The following IL22 variants were observed in gnomAD, a reference collection of about 807,000 sequenced individuals.
The protein encoded by IL22 is interleukin 22, also known as interleukin-22.
A neutral mutation model predicts 15.5 loss-of-function variants in IL22; 15 were observed. The observed-to-expected ratio is 0.97, with a 90% CI of 0.65 to 1.49. The LOEUF (loss-of-function observed/expected upper bound fraction) is 1.49. IL22 is among the 40% of genes most tolerant of loss of function. IL22 has a pLI of 0.00. For missense variants in IL22, 225 were observed against 215.4 expected, an observed-to-expected ratio of 1.04 and a Z score of -0.28; for synonymous variants, 91 against 82.0, an observed-to-expected ratio of 1.11 and a Z score of -0.60.
chr12:68,251,595 A>T lies in IL22; in HGVS notation c.397-17T>A. 1 of 1,583,690 alleles carries T rather than the reference A, an allele frequency of 6.3e-7. No individual in the cohort carries two copies. The highest frequency in any genetic ancestry group is 8.7e-7 in the Non-Finnish European group (1 of 1,152,462). On this transcript the variant is annotated splice_polypyrimidine_tract_variant and intron_variant, in intron 4 of 5. Coordinates refer to ENST00000538666, the MANE Select transcript of IL22 (RefSeq NM_020525.5). ...TTCAATATGCTATAAAACAATAACAAGCATAACTATCTTAATGTTGTGCTG... is the reference window on the plus strand; with the variant it reads ...TTCAATATGCTATAAAACAATAACATGCATAACTATCTTAATGTTGTGCTG...
intron 5 of IL22, among the ~76,000 whole-genome samples, chr12:68,251,206 T>C (rs1218777060): frequency 6.6e-6 from 1 of 151,720 alleles, no homozygotes; most frequent in African/African-American, 2.4e-5. Flanking sequence ...CCGGGAAAAG[T>C]GCTGGCTTGG....
chr12:68,251,058 C>A (rs1467107591), intron 5 of IL22, among the ~76,000 whole-genome samples: 1 of 152,158 alleles, frequency 6.6e-6, no homozygotes, highest in East Asian at 1.9e-4. Context: ...GCATTAATGA[C>A]TTCAAAAATG....
chr12:68,248,663 C>T lies in IL22; in HGVS notation c.*136G>A, dbSNP rs1592912243. On this transcript the variant is annotated 3_prime_UTR_variant, in exon 6 of 6. Coordinates refer to ENST00000538666, the MANE Select transcript of IL22 (RefSeq NM_020525.5). ...TTCCTTTGTAACTAACGCAGGGGTT[C>T]ATTTGGAATCCACCCATCATGATGG... is the stretch of plus-strand genomic sequence containing the variant. 1 of 675,398 alleles carries T rather than the reference C, an allele frequency of 1.5e-6. No homozygotes were observed. The highest frequency in any genetic ancestry group is 1.9e-5 in the South Asian group (1 of 52,454). The allele number at this position is 675,398 out of a possible 1,614,324, so 41.8% of individuals were successfully genotyped here.
At chr12:68,249,006 G>A (rs1869831981) in intron 5 of IL22, 130 bp from the exon 6 acceptor site, 1 of 724,494 alleles carries the variant, frequency 1.4e-6, no homozygotes, top group African/African-American at 1.7e-5. Flanking sequence ...AACATTCATA[G>A]TAATATCCCT....
At chr12:68,252,724 T>C (rs1869977077) in intron 3 of IL22, 40 bp downstream of exon 3, 3 of 1,612,082 alleles carry the variant, frequency 1.9e-6, no homozygotes, top group Admixed American at 1.7e-5. Context: ...CAAGTACCCA[T>C]GGACGGCACA....
At chr12:68,253,542 A>G in intron 1 of IL22, 41 bp downstream of exon 1, 1 of 966,272 alleles carries the variant, frequency 1.0e-6, no homozygotes. Flanking sequence ...GAAGTATTTC[A>G]TCAAACTAAC....
intron 2 of IL22, among the ~76,000 whole-genome samples, 177 bp from the exon 3 acceptor site, chr12:68,253,006 A>T (rs575101247): frequency 6.6e-6 from 1 of 151,908 alleles, no homozygotes; most frequent in South Asian, 2.1e-4. Flanking sequence ...AAAAAAAATC[A>T]TCAGATGGAT....
At chr12:68,248,916 C>T (rs1869829634) in intron 5 of IL22, 40 bp from the exon 6 acceptor site, 2 of 1,503,148 alleles carry the variant, frequency 1.3e-6, no homozygotes. Context: ...AGCATTTATG[C>T]CATGTTTTCT....
intron 4 of IL22, among the ~76,000 whole-genome samples, 155 bp downstream of exon 4, chr12:68,252,349 T>A (rs938832248): frequency 3.3e-5 from 5 of 151,996 alleles, no homozygotes; most frequent in Admixed American, 3.3e-4. Flanking sequence ...AAGCAAATAC[T>A]CTATGATCCC....
At chr12:68,252,875 A>G in intron 2 of IL22, 46 bp from the exon 3 acceptor site, 6 of 1,513,632 alleles carry the variant, frequency 4.0e-6, no homozygotes, top group Non-Finnish European at 5.5e-6. Context: ...GAGCAAATAG[A>G]AAAAAAATTT....
chr12:68,248,981 T>A, intron 5 of IL22, 105 bp from the exon 6 acceptor site: 1 of 872,640 alleles, frequency 1.1e-6, no homozygotes, highest in South Asian at 1.4e-5. Context: ...GAAACCGAGT[T>A]TTAAGCATTT....
In IL22 at chr12:68,253,297, T is replaced by G; in HGVS notation, c.152A>C (p.Tyr51Ser). 1.9e-6 allele frequency: 3 copies of G among 1,613,732 alleles called. No individual in the cohort carries two copies. Among genetic ancestry groups the G allele is most frequent in the Non-Finnish European group, 2.5e-6 (3 of 1,179,804 alleles). The change falls in exon 2 of 6, where the codon TAT becomes TCT. Residue 51 changes from tyrosine (Y) to serine (S), a missense_variant. By Grantham distance (144) the Tyr-to-Ser change is moderately radical. Coordinates refer to ENST00000538666, the MANE Select transcript of IL22 (RefSeq NM_020525.5). The part of the protein sequence containing the change: ...RLDKSNFQQP[Y>S]ITNRTFMLAK... Reference sequence around the variant, plus strand: ...CAGCATGAAGGTGCGGTTGGTGATATAGGGCTGCTGGAAGTTGGACTTGTC... The same window carrying G: ...CAGCATGAAGGTGCGGTTGGTGATAGAGGGCTGCTGGAAGTTGGACTTGTC...
Position 68,252,527 on chromosome 12 carries a change from G to T in IL22, c.373C>A (p.Leu125Ile), listed in dbSNP as rs759269838. 1.9e-6 allele frequency: 3 copies of T among 1,614,004 alleles called. No individual in the cohort carries two copies. Among genetic ancestry groups the T allele is most frequent in the South Asian group, 1.1e-5 (1 of 91,072 alleles). ...ACACATGTGCTTAGCCTGTTGCTGA[G>T]CCTGGCCAGGAAGGGCACCACCTCC... ...MQEVVPFLAR[L>I]SNRLSTCHIE... The change falls in exon 4 of 6, where the codon CTC (leucine) becomes ATC (isoleucine). Residue 125 changes from leucine (L) to isoleucine (I), a missense_variant. Leu to Ile is a conservative substitution (Grantham distance 5, BLOSUM62 2). Coordinates refer to ENST00000538666, the MANE Select transcript of IL22 (RefSeq NM_020525.5).
intron 4 of IL22, among the ~76,000 whole-genome samples, chr12:68,252,080 A>G (rs1055556043): frequency 6.6e-6 from 1 of 152,078 alleles, no homozygotes; most frequent in African/African-American, 2.4e-5. Flanking sequence ...ACAGGGCAAC[A>G]GTCTGCCGAC....
At chr12:68,250,233 T>C (rs763704147) in intron 5 of IL22, among the ~76,000 whole-genome samples, 1 of 152,204 alleles carries the variant, frequency 6.6e-6, no homozygotes, top group Non-Finnish European at 1.5e-5. Flanking sequence ...ACCATGAGAT[T>C]CTCCTCTCTC....
intron 4 of IL22, among the ~76,000 whole-genome samples, chr12:68,251,807 T>A (rs1488819784): frequency 6.6e-6 from 1 of 152,176 alleles, no homozygotes; most frequent in Non-Finnish European, 1.5e-5. Context: ...CTTTGGGAAA[T>A]CCTACTGAGG....
chr12:68,251,814 G>A (rs756357183), intron 4 of IL22, among the ~76,000 whole-genome samples: 16 of 152,272 alleles, frequency 1.1e-4, no homozygotes, highest in Non-Finnish European at 2.4e-4. Context: ...AAATCCTACT[G>A]AGGTTTGCAT....
chr12:68,250,630 C>G (rs1009103547), intron 5 of IL22, among the ~76,000 whole-genome samples: 1 of 152,154 alleles, frequency 6.6e-6, no homozygotes, highest in African/African-American at 2.4e-5. Context: ...GGGTGAGTCA[C>G]TATTGTTAGT....
At position 68,251,567 on chromosome 12, in the gene IL22, A is replaced by ATATATG; in HGVS notation, c.407_408insCATATA (p.Gly136_Asp137insIleTyr). 6.2e-7 allele frequency: 1 copy of ATATATG among 1,611,498 alleles called. No homozygotes were observed. Among genetic ancestry groups the ATATATG allele is most frequent in the Non-Finnish European group, 8.5e-7 (1 of 1,177,712 alleles). On this transcript the variant is annotated inframe_insertion, in exon 5 of 6. Transcript: ENST00000538666. Reference sequence around the variant, plus strand: ...CATTCCTCTGGATATGCAGGTCATCACCTTCAATATGCTATAAAACAATAA... The same window carrying ATATATG: ...CATTCCTCTGGATATGCAGGTCATCATATATGCCTTCAATATGCTATAAAACAATAA...
Sources: allele counts gnomAD v4.1 joint callset (sites outside exome capture counted in the v4.1 genomes callset), GRCh38; gene constraint gnomAD v4.1.1; transcripts MANE v1.5; gene names NCBI Gene and HGNC (gene_info 2026-07-23, HGNC 2026-07-21).